Variants in MYH9 observed in about 807,000 individuals in gnomAD.
The protein encoded by MYH9 is myosin-9.
A neutral mutation model predicts 241.9 loss-of-function variants in MYH9; 29 were observed. That is an observed-to-expected ratio of 0.12 (90% CI 0.09 to 0.16). The LOEUF (loss-of-function observed/expected upper bound fraction) is 0.16, where lower values mean the gene tolerates loss of function less well. MYH9 is among the 10% of genes least tolerant of loss of function. The probability of loss-of-function intolerance (pLI) is 1.00; values close to 1 mark genes in which losing one functional copy is unlikely to be tolerated. For synonymous variants in MYH9, 1,047 were observed against 1,062.6 expected (o/e 0.99, Z 0.29); for missense variants, 1,803 against 2,595.5 (o/e 0.69, Z 6.63).
chr22:36,303,740 G>C (rs960801739), intron 19 of MYH9, among the ~76,000 whole-genome samples: 19 of 145,676 alleles, frequency 1.3e-4, no homozygotes, highest in African/African-American at 4.9e-4. Context: ...AGCCGAGAAC[G>C]CACCACAGCA....
At chr22:36,361,897 C>G (rs1362764780) in intron 1 of MYH9, among the ~76,000 whole-genome samples, 2 of 152,130 alleles carry the variant, frequency 1.3e-5, no homozygotes, top group African/African-American at 4.8e-5. Flanking sequence ...TGGTGAAACC[C>G]CATCTCTACT....
chr22:36,294,013 C>T, intron 28 of MYH9, 79 bp downstream of exon 28: 1 of 1,530,718 alleles, frequency 6.5e-7, no homozygotes, highest in Non-Finnish European at 9.0e-7. Flanking sequence ...AGACAGAGAG[C>T]ACACATGCAC....
Position 36,300,332 on chromosome 22 carries a change from G to T in MYH9, c.2839-68C>A. 6.2e-7 allele frequency: 1 copy of T among 1,600,052 alleles called. No individual in the cohort carries two copies. Among genetic ancestry groups the T allele is most frequent in the South Asian group, 1.1e-5 (1 of 90,988 alleles). On this transcript the variant is annotated intron_variant, in intron 22 of 40. Coordinates refer to ENST00000216181, the MANE Select transcript of MYH9 (RefSeq NM_002473.6). This position sits in a 1 kb window ranked among gnomAD's most constrained non-coding sequence, Gnocchi z 5.0. ...GCATGGCCAAGGTGAAGGCAGCAAGGTCCGAAGGCCAGATCCAAACGCCAA... is the reference window on the plus strand; with the variant it reads ...GCATGGCCAAGGTGAAGGCAGCAAGTTCCGAAGGCCAGATCCAAACGCCAA...
chr22:36,311,506 CA>C (rs2017063275), intron 14 of MYH9, among the ~76,000 whole-genome samples: 1 of 152,164 alleles, frequency 6.6e-6, no homozygotes, highest in African/African-American at 2.4e-5. Context: ...GAGGGTCCCA[CA>C]ACAAAGAATG....
chr22:36,339,650 G>A (rs1416115067), intron 3 of MYH9, among the ~76,000 whole-genome samples: 2 of 152,138 alleles, frequency 1.3e-5, no homozygotes, highest in African/African-American at 4.8e-5. Flanking sequence ...CTAAACCAGG[G>A]ACAAAGTGGT....
Position 36,349,164 on chromosome 22 carries a change from C to T in MYH9, c.73G>A (p.Asp25Asn), listed in dbSNP as rs750944944. ...CATACCAGCTTCTTGGCAGCCCAGT[C>T]GGCCTGGGCCAGCGGATTGTTGATG... ...NFINNPLAQA[D>N]WAAKKLVWVP... is the part of the protein sequence containing the mutation. Residue 25 changes from aspartate (D) to asparagine (N), a missense_variant, in exon 2 of 41, where the codon GAC becomes AAC. Physicochemically the swap from Asp to Asn is conservative, Grantham distance 23. Transcript: ENST00000216181. 6.2e-6 allele frequency: 10 copies of T among 1,614,166 alleles called. No homozygotes were observed. The highest frequency in any genetic ancestry group is 2.2e-5 in the East Asian group (1 of 44,890).
intron 1 of MYH9, among the ~76,000 whole-genome samples, chr22:36,356,580 CAAAAAAAAA>C (rs34880972): frequency 4.1e-5 from 1 of 24,662 alleles, no homozygotes; most frequent in African/African-American, 1.3e-4. Context: ...GACTCCATCT[CAAAAAAAAA>C]AAAAAAAAAA....
At chr22:36,353,102 C>CGTGTGTGT (rs71323001) in intron 1 of MYH9, among the ~76,000 whole-genome samples, 5 of 142,976 alleles carry the variant, frequency 3.5e-5, no homozygotes, top group African/African-American at 1.1e-4. Flanking sequence ...CCTCTGGGGG[C>CGTGTGTGT]GTGTGTGTGT....
intron 1 of MYH9, among the ~76,000 whole-genome samples, chr22:36,370,406 T>G (rs545449996): frequency 1.3e-5 from 2 of 152,314 alleles, no homozygotes; most frequent in South Asian, 4.1e-4. Context: ...GTGCTCACCA[T>G]GGGCAAGGCA....
Position 36,285,319 on chromosome 22 carries a change from A to G in MYH9, c.5285T>C (p.Ile1762Thr). 6.2e-7 allele frequency: 1 copy of G among 1,609,244 alleles called. No homozygotes were observed. Residue 1762 changes from isoleucine (I) to threonine (T), a missense_variant, in exon 38 of 41, where the codon ATC (isoleucine) becomes ACC (threonine). Physicochemically the swap from Ile to Thr is moderately conservative, Grantham distance 89. Coordinates refer to ENST00000216181, the MANE Select transcript of MYH9 (RefSeq NM_002473.6). The surrounding 1 kb of genome is among the most constrained non-coding windows in gnomAD (Gnocchi z 7.0). The part of the protein sequence containing the change: ...LKKANLQIDQ[I>T]NTDLNLERSH... ...GCGCTCCAGGTTCAGGTCGGTGTTG[A>G]TCTGGTCGATCTGCAGAAGAAGGGC...
intron 1 of MYH9, among the ~76,000 whole-genome samples, chr22:36,349,941 G>A (rs1278760165): frequency 6.6e-6 from 1 of 152,154 alleles, no homozygotes; most frequent in African/African-American, 2.4e-5. Context: ...AAACACAACT[G>A]ACTACAACCC....
chr22:36,345,367 C>T (rs1283364313), intron 2 of MYH9, among the ~76,000 whole-genome samples: 3 of 150,710 alleles, frequency 2.0e-5, no homozygotes, highest in African/African-American at 7.3e-5. Context: ...GGAAGTGAGA[C>T]TCCACATAGC....
Position 36,333,361 on chromosome 22 carries a change from G to A in MYH9, c.491-5873C>T, listed in dbSNP as rs115265517. Among the ~76,000 whole-genome samples, 387 of 152,268 alleles carry A rather than the reference G, an allele frequency of 2.5e-3. 2 individuals carry two copies. Among genetic ancestry groups the A allele is most frequent in the African/African-American group, 8.3e-3 (343 of 41,538 alleles). The stretch of plus-strand genomic sequence containing the variant: ...AGGCTAGGATTCACTCCTGGAGCAC[G>A]GCTCACGCTTCCTCTCCTTTCAGCT... On this transcript the variant is annotated intron_variant, in intron 3 of 40. Transcript: ENST00000216181.
At chr22:36,286,639 T>A (rs2016586043) in intron 35 of MYH9, 79 bp downstream of exon 35, 1 of 1,594,530 alleles carries the variant, frequency 6.3e-7, no homozygotes, top group Non-Finnish European at 8.5e-7. Flanking sequence ...ACTCCAGCCC[T>A]GTCCTCAGCT....
intron 2 of MYH9, among the ~76,000 whole-genome samples, chr22:36,344,623 A>G (rs968227586): frequency 2.6e-5 from 4 of 152,258 alleles, no homozygotes; most frequent in African/African-American, 7.2e-5. Context: ...ACTGCACACC[A>G]GAGGTGACAG....
chr22:36,284,759 A>G (rs553912846), intron 38 of MYH9, among the ~76,000 whole-genome samples: 1 of 152,306 alleles, frequency 6.6e-6, no homozygotes, highest in South Asian at 2.1e-4. Context: ...ATGTAACTGG[A>G]AAAGAGGTCT....
chr22:36,320,016 C>T lies in MYH9; in HGVS notation c.1012+204G>A, dbSNP rs1415250395. 1.3e-5 allele frequency among the ~76,000 whole-genome samples: 2 copies of T among 152,220 alleles called. No homozygotes were observed. The highest frequency in any genetic ancestry group is 1.9e-4 in the East Asian group (1 of 5,192). On this transcript the variant is annotated intron_variant, in intron 9 of 40. Coordinates refer to ENST00000216181, the MANE Select transcript of MYH9 (RefSeq NM_002473.6). This position sits in a 1 kb window ranked among gnomAD's most constrained non-coding sequence, Gnocchi z 4.8. ...CAGTTAAGAACATGTCCTTTGCACCCTTTCTGAATGCCTGTGGTACCACCA... is the reference window on the plus strand; with the variant it reads ...CAGTTAAGAACATGTCCTTTGCACCTTTTCTGAATGCCTGTGGTACCACCA...
chr22:36,377,765 C>G (rs1367288406), intron 1 of MYH9, among the ~76,000 whole-genome samples: 1 of 151,964 alleles, frequency 6.6e-6, no homozygotes, highest in Non-Finnish European at 1.5e-5. Context: ...AAAAAATTAG[C>G]CGGGCACGGT....
chr22:36,387,661 C>T (rs1015424331), intron 1 of MYH9, 146 bp downstream of exon 1: 2 of 151,450 alleles, frequency 1.3e-5, no homozygotes, highest in Non-Finnish European at 2.9e-5. Flanking sequence ...GTGCCGGGCC[C>T]TGAGCCGCCG....
Sources: gnomAD v4.1 joint callset for allele counts (sites outside exome capture counted in the v4.1 genomes callset) on GRCh38, gnomAD v4.1.1 for gene constraint, Gnocchi (gnomAD v3.1) non-coding constraint, MANE v1.5 for transcripts, NCBI Gene and HGNC (gene_info 2026-07-23, HGNC 2026-07-21) for gene names.